Variants in BCLAF3 observed in about 807,000 individuals in gnomAD.
The protein encoded by BCLAF3 is transient octamer binding factor 1.
BCLAF3 carries 24 observed loss-of-function variants against 51.2 expected under a neutral mutation model. The ratio of observed to expected loss-of-function variants is 0.47; its 90% confidence interval spans 0.34 to 0.66. The LOEUF (loss-of-function observed/expected upper bound fraction) is 0.66, where lower values mean the gene tolerates loss of function less well. Ranked by LOEUF, BCLAF3 falls within the 30% of genes least tolerant of loss-of-function variation. The probability of loss-of-function intolerance (pLI) is 0.01; values close to 1 mark genes in which losing one functional copy is unlikely to be tolerated. For missense variants in BCLAF3, 465 were observed against 525.1 expected, an observed-to-expected ratio of 0.89 and a Z score of 1.12; for synonymous variants, 152 against 176.6, an observed-to-expected ratio of 0.86 and a Z score of 1.10.
intron 10 of BCLAF3, among the ~76,000 whole-genome samples, chrX:19,934,732 C>G (rs2070694317): frequency 8.9e-6 from 1 of 112,153 alleles, no homozygotes; most frequent in Admixed American, 9.5e-5. Context: ...CTCTAACAAG[C>G]CTGCCTGCCA....
intron 1 of BCLAF3, among the ~76,000 whole-genome samples, chrX:19,971,555 T>C (rs754343374): frequency 2.2e-4 from 25 of 112,784 alleles, no homozygotes; most frequent in Non-Finnish European, 4.3e-4. Context: ...TTTCAAATAT[T>C]CTTCAGTCTT....
In BCLAF3 at chrX:19,945,628, T is replaced by C. The variant is rs7890569; in HGVS notation, c.1745+5125A>G. ...GACCCACTTGAGGAGGCAGTCTGCC[T>C]GTTCTCAGATCTCCAGCTGCGTGCT... is the stretch of plus-strand genomic sequence containing the variant. On this transcript the variant is annotated intron_variant, in intron 8 of 11. Transcript: ENST00000379682. Among the ~76,000 whole-genome samples, 271 of 74,738 alleles carry C rather than the reference T, an allele frequency of 3.6e-3. 11 individuals carry two copies. Among genetic ancestry groups the C allele is most frequent in the Admixed American group, 0.011 (92 of 8,237 alleles). The allele number at this position is 74,738 out of a possible 115,157, so 64.9% of individuals were successfully genotyped here.
chrX:19,946,960 C>T (rs1467838249), intron 8 of BCLAF3, among the ~76,000 whole-genome samples: 1 of 112,318 alleles, frequency 8.9e-6, no homozygotes, highest in Non-Finnish European at 1.9e-5. Flanking sequence ...CTTATTTTCA[C>T]CTATCACTCC....
At chrX:19,972,266 G>A (rs2072282587) in intron 1 of BCLAF3, among the ~76,000 whole-genome samples, 1 of 111,983 alleles carries the variant, frequency 8.9e-6, no homozygotes, top group African/African-American at 3.2e-5. Context: ...AACAAAAACA[G>A]ACAAAACTTC....
At chrX:19,987,682 G>C (rs1171089798) in intron 1 of BCLAF3, among the ~76,000 whole-genome samples, 1 of 112,304 alleles carries the variant, frequency 8.9e-6, no homozygotes, top group Non-Finnish European at 1.9e-5. Flanking sequence ...TGACTGCTAG[G>C]GGGTAGGAAT....
At chrX:19,922,813 T>C (rs1445158208) in intron 11 of BCLAF3, among the ~76,000 whole-genome samples, 1 of 110,354 alleles carries the variant, frequency 9.1e-6, no homozygotes, top group Non-Finnish European at 1.9e-5. Flanking sequence ...AGCAGGAGAA[T>C]TGCTTGAACC....
intron 8 of BCLAF3, among the ~76,000 whole-genome samples, chrX:19,940,528 T>G (rs1323690188): frequency 9.0e-6 from 1 of 110,900 alleles, no homozygotes; most frequent in African/African-American, 3.3e-5. Context: ...GTGTTTGGTT[T>G]TTTGTTCTTG....
chrX:19,931,823 C>T (rs756562840), intron 10 of BCLAF3, among the ~76,000 whole-genome samples: 128 of 112,329 alleles, frequency 1.1e-3, no homozygotes, highest in Middle Eastern at 4.6e-3. Context: ...AGAGATGCTG[C>T]GTCTGAGCAC....
chrX:19,939,199 A>C (rs1378905924), intron 8 of BCLAF3, among the ~76,000 whole-genome samples: 2 of 112,382 alleles, frequency 1.8e-5, no homozygotes, highest in Non-Finnish European at 3.8e-5. Flanking sequence ...AATAAATGAC[A>C]AGAAATGTAC....
At chrX:19,940,930 C>T (rs2071010100) in intron 8 of BCLAF3, among the ~76,000 whole-genome samples, 1 of 110,355 alleles carries the variant, frequency 9.1e-6, no homozygotes, top group African/African-American at 3.3e-5. Flanking sequence ...TCTCCAGCAC[C>T]TGTTGTTTCC....
intron 11 of BCLAF3, 106 bp downstream of exon 11, chrX:19,929,679 G>A (rs759943589): frequency 3.4e-5 from 27 of 786,385 alleles, no homozygotes; most frequent in Non-Finnish European, 4.7e-5. Flanking sequence ...TAAAAACCCA[G>A]GTTGTTTCTT....
At chrX:19,940,591 A>T (rs372561444) in intron 8 of BCLAF3, among the ~76,000 whole-genome samples, 1 of 110,417 alleles carries the variant, frequency 9.1e-6, no homozygotes, top group Non-Finnish European at 1.9e-5. Flanking sequence ...CCCTACAAAG[A>T]ACATGAACTC....
At chrX:19,945,322 TGCGTTCCTTTGGAG>T (rs2147849653) in intron 8 of BCLAF3, among the ~76,000 whole-genome samples, 1 of 108,186 alleles carries the variant, frequency 9.2e-6, no homozygotes, top group African/African-American at 3.5e-5. Flanking sequence ...GGTGAGGAAC[TGCGTTCCTTTGGAG>T]GAGGAGAGGC....
At chrX:19,975,253 AAAG>A (rs1349223412) in intron 1 of BCLAF3, among the ~76,000 whole-genome samples, 5 of 111,214 alleles carry the variant, frequency 4.5e-5, no homozygotes, top group East Asian at 5.6e-4. Flanking sequence ...AAAAAAAAAA[AAAG>A]AAGAAGAATA....
chrX:19,957,496 G>GT (rs780620318), intron 4 of BCLAF3, among the ~76,000 whole-genome samples: 131 of 111,939 alleles, frequency 1.2e-3, no homozygotes, highest in African/African-American at 3.9e-3. Context: ...AGTTGATAAG[G>GT]TTTTTTTCTG....
Position 19,926,150 on chromosome X carries a change from C to A in BCLAF3, c.2106+3635G>T, listed in dbSNP as rs886503881. The stretch of plus-strand genomic sequence containing the variant: ...ATGAAGCAGCATCCAGAAGGGTGGG[C>A]CTAAGAAAAACAGGTAGTAGACACT... On this transcript the variant is annotated intron_variant, in intron 11 of 11. Transcript: ENST00000379682. Among the ~76,000 whole-genome samples the A allele has an allele frequency of 5.7e-4, 63 of 110,896 alleles. 1 individual carries two copies. Among genetic ancestry groups the A allele is most frequent in the African/African-American group, 2.0e-3 (60 of 30,487 alleles).
chrX:19,960,222 A>G (rs1405840598), intron 4 of BCLAF3, among the ~76,000 whole-genome samples: 2 of 111,786 alleles, frequency 1.8e-5, no homozygotes, highest in African/African-American at 3.3e-5. Flanking sequence ...AATATATACT[A>G]AAGTTCAGAG....
In BCLAF3 at chrX:19,914,825, G is replaced by A. The variant is rs2069895645; in HGVS notation, c.*2480C>T. ...AACCAGTAAAACCACCAACAGAATA[G>A]TGCCTTCTGAGGTTGGTGAAACCAA... On this transcript the variant is annotated 3_prime_UTR_variant, in exon 12 of 12. Coordinates refer to ENST00000379682, the MANE Select transcript of BCLAF3 (RefSeq NM_001367774.2). 8.9e-6 allele frequency: 1 copy of A among 111,945 alleles called. No individual in the cohort carries two copies. Among genetic ancestry groups the A allele is most frequent in the Admixed American group, 9.6e-5 (1 of 10,457 alleles). The allele number at this position is 111,945 out of a possible 1,213,427, so 9.2% of individuals were successfully genotyped here. A position where few individuals can be genotyped will look rare whatever the true frequency, so the allele number is the denominator to read the frequency against.
intron 4 of BCLAF3, among the ~76,000 whole-genome samples, chrX:19,962,002 G>A (rs2071871396): frequency 9.0e-6 from 1 of 111,713 alleles, no homozygotes. Context: ...TAAAGATCAA[G>A]CTTCCATTTC....
Sources: gnomAD v4.1 joint callset for allele counts (sites outside exome capture counted in the v4.1 genomes callset) on GRCh38, gnomAD v4.1.1 for gene constraint, MANE v1.5 for transcripts, NCBI Gene and HGNC (gene_info 2026-07-23, HGNC 2026-07-21) for gene names.